The following PIGW variants were observed in gnomAD, a reference collection of about 807,000 sequenced individuals.
The protein encoded by PIGW is glucosaminyl-phosphatidylinositol-acyltransferase PIGW.
A neutral mutation model predicts 34.0 loss-of-function variants in PIGW; 23 were observed. The ratio of observed to expected loss-of-function variants is 0.68; its 90% CI spans 0.49 to 0.96. The LOEUF (loss-of-function observed/expected upper bound fraction) is 0.96, where lower values mean the gene tolerates loss of function less well. Ranked by LOEUF, PIGW falls within the 40% of genes least tolerant of loss-of-function variation. PIGW has a pLI of 0.00. For synonymous variants in PIGW, 225 were observed against 225.2 expected (o/e 1.00, Z 0.01); for missense variants, 574 against 586.3 (o/e 0.98, Z 0.22).
In PIGW at chr17:36,538,542, A is replaced by G. The variant is rs1262193359; in HGVS notation, c.1441A>G (p.Asn481Asp). 6 of 1,613,712 alleles carry G rather than the reference A, an allele frequency of 3.7e-6. No individual in the cohort carries two copies. The highest frequency in any genetic ancestry group is 5.1e-6 in the Non-Finnish European group (6 of 1,179,738). Residue 481 changes from asparagine (N) to aspartate (D), a missense_variant, in exon 2 of 2, where the codon AAT becomes GAT. Physicochemically the swap from Asn to Asp is conservative, Grantham distance 23. Coordinates refer to ENST00000614443, the MANE Select transcript of PIGW (RefSeq NM_001346754.2). ...SSTLWALFVVNLYMFSNCLIV... is the reference protein window; with the variant it reads ...SSTLWALFVVDLYMFSNCLIV... ...TACCTTGTGGGCCTTATTTGTGGTC[A>G]ATCTCTATATGTTTTCCAACTGTTT...
Position 36,538,729 on chromosome 17 carries a change from T to G in PIGW, c.*113T>G. ...AACCATATTTTATTATAAAATAGTT[T>G]CAGTCATCTAAACAGCAGTGATGCT... On this transcript the variant is annotated 3_prime_UTR_variant, in exon 2 of 2. Transcript: ENST00000614443. 2 of 930,598 alleles carry G rather than the reference T, an allele frequency of 2.1e-6. No individual in the cohort carries two copies. The highest frequency in any genetic ancestry group is 3.7e-5 in the South Asian group (2 of 54,036). The allele number at this position is 930,598 out of a possible 1,614,324, so 57.6% of individuals were successfully genotyped here.
rs2074079092 is a variant in PIGW, at chr17:36,535,402, CTG to C, written c.-198_-197del. The C allele has an allele frequency of 6.6e-6, 1 of 152,302 alleles. No homozygotes were observed. Among genetic ancestry groups the C allele is most frequent in the Non-Finnish European group, 1.5e-5 (1 of 68,074 alleles). 9.4% of individuals were successfully genotyped at this position (152,302 alleles called of 1,614,324 possible). A position where few individuals can be genotyped will look rare whatever the true frequency, so the allele number is the denominator to read the frequency against. On this transcript the variant is annotated 5_prime_UTR_variant, in exon 1 of 2. Transcript: ENST00000614443. ...ACAGGAGTGGGTAGCCCACGGGACA[CTG>C]GCACGAGCGCCATGATGGGCGGAGA...
intron 1 of PIGW, 48 bp downstream of exon 1, chr17:36,535,640 G>T (rs907162592): frequency 6.6e-6 from 1 of 152,218 alleles, no homozygotes; most frequent in Non-Finnish European, 1.5e-5. Context: ...GCGTCTGTTA[G>T]GAAAAAGACT....
rs1384932649 is a variant in PIGW, at chr17:36,537,954, ATAT to A, written c.857_859del (p.Leu286del). 8.7e-6 allele frequency: 14 copies of A among 1,614,012 alleles called. No individual in the cohort carries two copies. Among genetic ancestry groups the A allele is most frequent in the African/African-American group, 4.0e-5 (3 of 74,928 alleles). ...TGACTTTACCTCACTGAAGAGGTTAATATTATATGGCACTGATGGTAGTGGCAC... is the reference window on the plus strand; with the variant it reads ...TGACTTTACCTCACTGAAGAGGTTAATATATGGCACTGATGGTAGTGGCAC... On this transcript the variant is annotated inframe_deletion, in exon 2 of 2. Transcript: ENST00000614443.
rs1567804293 is a variant in PIGW, at chr17:36,535,211, T to TCC, written c.-390_-389insCC. 6.4e-4 allele frequency: 97 copies of TCC among 152,056 alleles called. No homozygotes were observed. Among genetic ancestry groups the TCC allele is most frequent in the African/African-American group, 2.2e-3 (90 of 41,446 alleles). The allele number at this position is 152,056 out of a possible 1,614,324, so 9.4% of individuals were successfully genotyped here. On this transcript the variant is annotated 5_prime_UTR_variant, in exon 1 of 2. It introduces an in-frame stop codon into an upstream open reading frame of the 5' UTR. Transcript: ENST00000614443. Reference sequence around the variant, plus strand: ...TCGCCGCGGCGGAGTCTTGTGCGAGTGCGGCGGAGTGTTGTGCGAGGCCGG... The same window carrying TCC: ...TCGCCGCGGCGGAGTCTTGTGCGAGTCCGCGGCGGAGTGTTGTGCGAGGCCGG...
Position 36,537,231 on chromosome 17 carries a change from C to T in PIGW, c.130C>T (p.Gln44Ter). Residue 44 changes from glutamine to a stop codon, truncating the protein, a stop_gained, in exon 2 of 2, where the codon CAG (glutamine) becomes TAG (stop). Transcript: ENST00000614443. LOFTEE classifies it high-confidence loss of function. The stretch of plus-strand genomic sequence containing the variant: ...CAGAGGGTTCCTGATCATTTTCTCA[C>T]AGTACTTGTGTTCTTTTTCACCTAC... ...LCRGFLIIFSQYLCSFSPTWK... is the reference protein window; with the variant it reads ...LCRGFLIIFS 1 of 1,614,144 alleles carries T rather than the reference C, an allele frequency of 6.2e-7. No homozygotes were observed. The highest frequency in any genetic ancestry group is 8.5e-7 in the Non-Finnish European group (1 of 1,180,016).
At chr17:36,536,515 TTTC>T (rs1478260600) in intron 1 of PIGW, among the ~76,000 whole-genome samples, 1 of 149,878 alleles carries the variant, frequency 6.7e-6, no homozygotes, top group African/African-American at 2.4e-5. Context: ...TCCTTTGCTT[TTTC>T]TTTTCCTTTT....
intron 1 of PIGW, among the ~76,000 whole-genome samples, chr17:36,536,748 C>T (rs1194528114): frequency 6.6e-6 from 1 of 152,196 alleles, no homozygotes; most frequent in East Asian, 1.9e-4. Context: ...CTCCTGACCT[C>T]AGGTGATCCT....
intron 1 of PIGW, 95 bp downstream of exon 1, chr17:36,535,687 T>A (rs964896302): frequency 6.6e-6 from 1 of 152,352 alleles, no homozygotes; most frequent in Non-Finnish European, 1.5e-5. Context: ...AGACGGAGTC[T>A]CGCTCTGTCG....
At chr17:36,536,283 T>G (rs2074119424) in intron 1 of PIGW, among the ~76,000 whole-genome samples, 1 of 152,156 alleles carries the variant, frequency 6.6e-6, no homozygotes. Flanking sequence ...GGTCACGTTT[T>G]GTACCAAGGC....
chr17:36,536,875 ATAATT>A (rs1047871761), intron 1 of PIGW, among the ~76,000 whole-genome samples: 5 of 152,200 alleles, frequency 3.3e-5, no homozygotes, highest in Admixed American at 2.0e-4. Context: ...TTTGTAACCA[ATAATT>A]TAATATTATT....
intron 1 of PIGW, 105 bp from the exon 2 acceptor site, chr17:36,536,989 G>A (rs1157875517): frequency 3.0e-6 from 3 of 994,326 alleles, no homozygotes; most frequent in Non-Finnish European, 4.4e-6. Flanking sequence ...AGGGCCCAAA[G>A]TTCTGCTCTG....
Position 36,537,233 on chromosome 17 carries a change from G to C in PIGW, c.132G>C (p.Gln44His), listed in dbSNP as rs1555600210. The C allele has an allele frequency of 6.2e-7, 1 of 1,614,112 alleles. No individual in the cohort carries two copies. The highest frequency in any genetic ancestry group is 8.5e-7 in the Non-Finnish European group (1 of 1,180,012). The stretch of plus-strand genomic sequence containing the variant: ...GAGGGTTCCTGATCATTTTCTCACA[G>C]TACTTGTGTTCTTTTTCACCTACCT... ...LCRGFLIIFS[Q>H]YLCSFSPTWK... The change falls in exon 2 of 2, where the codon CAG becomes CAC. Residue 44 changes from glutamine to histidine, a missense_variant. Gln to His is a conservative substitution (Grantham distance 24). Transcript: ENST00000614443.
In PIGW at chr17:36,535,416, A is replaced by G. The variant is rs972041928; in HGVS notation, c.-185A>G. 2 of 152,268 alleles carry G rather than the reference A, an allele frequency of 1.3e-5. No individual in the cohort carries two copies. Among genetic ancestry groups the G allele is most frequent in the African/African-American group, 2.4e-5 (1 of 41,462 alleles). The allele number at this position is 152,268 out of a possible 1,614,324, so 9.4% of individuals were successfully genotyped here. On this transcript the variant is annotated 5_prime_UTR_variant, in exon 1 of 2. The change abolishes an upstream ATG in the 5' untranslated region. Coordinates refer to ENST00000614443, the MANE Select transcript of PIGW (RefSeq NM_001346754.2). ...CCCACGGGACACTGGCACGAGCGCC[A>G]TGATGGGCGGAGACGCGCGGAATCG... is the stretch of plus-strand genomic sequence containing the variant.
chr17:36,536,443 T>C (rs948960353), intron 1 of PIGW, among the ~76,000 whole-genome samples: 1 of 152,112 alleles, frequency 6.6e-6, no homozygotes, highest in Admixed American at 6.6e-5. Context: ...TGCTCCATAA[T>C]AGAAATTCCC....
At position 36,537,865 on chromosome 17, in the gene PIGW, T is replaced by C. The variant is rs199762429; in HGVS notation, c.764T>C (p.Ile255Thr). 3.7e-5 allele frequency: 59 copies of C among 1,613,958 alleles called. No individual in the cohort carries two copies. The highest frequency in any genetic ancestry group is 6.7e-5 in the Admixed American group (4 of 60,004). The change falls in exon 2 of 2, where the codon ATT becomes ACT. Residue 255 changes from isoleucine (I) to threonine (T), a missense_variant. Ile to Thr is a moderately conservative substitution (Grantham distance 89). Coordinates refer to ENST00000614443, the MANE Select transcript of PIGW (RefSeq NM_001346754.2). ...VKLITPLLLI[I>T]FPLNKSWIIA... ...TTGATAACACCACTGCTGTTGATTATTTTTCCCCTAAATAAGTCCTGGATT... is the reference window on the plus strand; with the variant it reads ...TTGATAACACCACTGCTGTTGATTACTTTTCCCCTAAATAAGTCCTGGATT...
rs2142619101 is a variant in PIGW at position 36,538,015 on chromosome 17, GAAT to G, written c.918_920del (p.Ile307del). ...GGTCTATTAAATGCCAACCGCGAAG[GAAT>G]AATCTCTACCCTGGGGTATGTGGCA... is the stretch of plus-strand genomic sequence containing the variant. On this transcript the variant is annotated inframe_deletion, in exon 2 of 2. Transcript: ENST00000614443. 2.5e-6 allele frequency: 4 copies of G among 1,614,036 alleles called. No homozygotes were observed. Among genetic ancestry groups the G allele is most frequent in the Non-Finnish European group, 3.4e-6 (4 of 1,180,042 alleles).
chr17:36,536,644 A>T (rs2074136930), intron 1 of PIGW, among the ~76,000 whole-genome samples: 1 of 149,176 alleles, frequency 6.7e-6, no homozygotes, highest in Non-Finnish European at 1.5e-5. Flanking sequence ...CCTCTAAAGT[A>T]GCTGGGATTA....
chr17:36,538,288 G>C lies in PIGW; in HGVS notation c.1187G>C (p.Ser396Thr). 1 of 1,613,234 alleles carries C rather than the reference G, an allele frequency of 6.2e-7. No individual in the cohort carries two copies. Among genetic ancestry groups the C allele is most frequent in the Non-Finnish European group, 8.5e-7 (1 of 1,179,820 alleles). ...TTATTACTGGGTGATATAATTTTGA[G>C]TTTTGCCAAATTTCTAATTAAAGGA... ...SSLLLGDIIL[S>T]FAKFLIKGAL... The change falls in exon 2 of 2, where the codon AGT (serine) becomes ACT (threonine). Residue 396 changes from serine to threonine, a missense_variant. Transcript: ENST00000614443.
Sources: allele counts gnomAD v4.1 joint callset (sites outside exome capture counted in the v4.1 genomes callset), GRCh38; gene constraint gnomAD v4.1.1; transcripts MANE v1.5; gene names NCBI Gene and HGNC (gene_info 2026-07-23, HGNC 2026-07-21).